Variants in SYN2 observed in about 807,000 individuals in gnomAD.
The protein encoded by SYN2 is synapsin-2.
SYN2 carries 19 observed loss-of-function variants against 50.9 expected under a neutral mutation model. The ratio of observed to expected loss-of-function variants is 0.37; its 90% CI spans 0.26 to 0.55. The LOEUF is 0.55. Among genes scored for constraint, SYN2 ranks in the 20% least tolerant of loss-of-function variants. The pLI, the probability that SYN2 is intolerant of heterozygous loss-of-function variation, is 0.81. For synonymous variants in SYN2, 255 were observed against 224.9 expected, an observed-to-expected ratio of 1.13 and a Z score of -1.20; for missense variants, 587 against 576.4, an observed-to-expected ratio of 1.02 and a Z score of -0.19.
rs764158028 is a variant in SYN2 at position 12,168,498 on chromosome 3, T to A, written c.1158+20T>A. 1 of 1,602,674 alleles carries A rather than the reference T, an allele frequency of 6.2e-7. No individual in the cohort carries two copies. The highest frequency in any genetic ancestry group is 1.3e-5 in the African/African-American group (1 of 74,746). ...TTTGAGGTAAGTCTGGACCAAGCAGTAAGAGGTAACTCCTAAGGCTTAAGA... is the reference window on the plus strand; with the variant it reads ...TTTGAGGTAAGTCTGGACCAAGCAGAAAGAGGTAACTCCTAAGGCTTAAGA... On this transcript the variant is annotated intron_variant, in intron 9 of 12. Coordinates refer to ENST00000621198, the MANE Select transcript of SYN2 (RefSeq NM_133625.6).
intron 4 of SYN2, among the ~76,000 whole-genome samples, chr3:12,146,628 G>A (rs570325352): frequency 6.6e-6 from 1 of 152,296 alleles, no homozygotes; most frequent in African/African-American, 2.4e-5. Context: ...ACATCCCACT[G>A]CCTCTCCCAT....
intron 10 of SYN2, among the ~76,000 whole-genome samples, chr3:12,172,046 A>G (rs1214990788): frequency 6.6e-6 from 1 of 152,184 alleles, no homozygotes; most frequent in Non-Finnish European, 1.5e-5. Context: ...AGTCAGTTTG[A>G]CTCAAGGATA....
In SYN2 at chr3:12,041,256, G is replaced by C. The variant is rs558489161; in HGVS notation, c.377+36328G>C. Among the ~76,000 whole-genome samples the C allele has an allele frequency of 2.6e-5, 4 of 152,274 alleles. No homozygotes were observed. The South Asian group carries it at 6.2e-4, about 24-fold the overall frequency. On this transcript the variant is annotated intron_variant, in intron 1 of 12. Transcript: ENST00000621198. ...TCCCAGAGGAAGAGCTGTCCAAGGA[G>C]CTGATGTGTTTGACCCTTATTGCTT...
At chr3:12,189,872 T>C (rs1698414183) in intron 12 of SYN2, among the ~76,000 whole-genome samples, 2 of 152,178 alleles carry the variant, frequency 1.3e-5, no homozygotes, top group South Asian at 4.1e-4. Flanking sequence ...CAAGCCAATA[T>C]ATTCTTTTGG....
Position 12,064,852 on chromosome 3 carries a change from G to A in SYN2, c.377+59924G>A, listed in dbSNP as rs890778131. On this transcript the variant is annotated intron_variant, in intron 1 of 12. Transcript: ENST00000621198. ...AGTTAAATGTAGAGTTACCATATGA[G>A]CCAGCAATTTCACTCATAGGTATAC... Among the ~76,000 whole-genome samples the A allele has an allele frequency of 3.3e-5, 5 of 152,072 alleles. No homozygotes were observed. In the South Asian group the frequency reaches 8.3e-4, roughly 25 times the overall value.
At chr3:12,021,485 T>C (rs1694133304) in intron 1 of SYN2, among the ~76,000 whole-genome samples, 1 of 152,192 alleles carries the variant, frequency 6.6e-6, no homozygotes, top group Non-Finnish European at 1.5e-5. Context: ...TGTTTAAAAA[T>C]ATGTGAAATG....
intron 1 of SYN2, among the ~76,000 whole-genome samples, chr3:12,105,236 G>A (rs1295057520): frequency 1.3e-5 from 2 of 152,150 alleles, no homozygotes; most frequent in African/African-American, 4.8e-5. Flanking sequence ...GGAGTAGGAG[G>A]AATAGAGATT....
chr3:12,053,647 A>G (rs2170433), intron 1 of SYN2, among the ~76,000 whole-genome samples: 7,589 of 152,188 alleles, frequency 0.05, 663 homozygotes, highest in African/African-American at 0.17. Context: ...TACTATGATT[A>G]CAATGTTTAC....
intron 6 of SYN2, 63 bp downstream of exon 6, chr3:12,161,671 C>T: frequency 2.6e-6 from 4 of 1,534,906 alleles, no homozygotes; most frequent in South Asian, 1.1e-5. Flanking sequence ...TCAGAGCGCC[C>T]ATTTGTGAAC....
chr3:12,015,949 G>A (rs917448119), intron 1 of SYN2, among the ~76,000 whole-genome samples: 3 of 152,062 alleles, frequency 2.0e-5, no homozygotes, highest in Non-Finnish European at 4.4e-5. Flanking sequence ...TGACAACTTC[G>A]TACAATAATT....
chr3:12,065,070 G>T (rs193099376), intron 1 of SYN2, among the ~76,000 whole-genome samples: 2 of 152,206 alleles, frequency 1.3e-5, no homozygotes, highest in East Asian at 3.9e-4. Context: ...GCTACAACAT[G>T]GATGCACCTT....
chr3:12,027,121 G>A (rs767818293), intron 1 of SYN2, among the ~76,000 whole-genome samples: 9 of 152,212 alleles, frequency 5.9e-5, no homozygotes, highest in Non-Finnish European at 1.2e-4. Flanking sequence ...CATCATCAGA[G>A]GTGAATGTGG....
At chr3:12,008,418 T>C (rs1353632385) in intron 1 of SYN2, among the ~76,000 whole-genome samples, 2 of 152,170 alleles carry the variant, frequency 1.3e-5, no homozygotes, top group African/African-American at 2.4e-5. Flanking sequence ...ATAAATACTT[T>C]TGAAAAAAAA....
At chr3:12,183,819 A>T in intron 11 of SYN2, 1 of 1,028,720 alleles carries the variant, frequency 9.7e-7, no homozygotes, top group South Asian at 3.6e-5. Context: ...AGAAACGAAA[A>T]CCACAAAAAG....
At chr3:12,095,650 C>T (rs115511312) in intron 1 of SYN2, among the ~76,000 whole-genome samples, 1 of 141,286 alleles carries the variant, frequency 7.1e-6, no homozygotes, top group African/African-American at 2.6e-5. Context: ...CGCCATCATT[C>T]AACAAAGTTG....
intron 1 of SYN2, among the ~76,000 whole-genome samples, chr3:12,023,202 T>TAAAA (rs35299870): frequency 6.8e-6 from 1 of 146,882 alleles, no homozygotes; most frequent in Admixed American, 6.8e-5. Context: ...GCTTTATAAA[T>TAAAA]AAAAAAAAAA....
At chr3:12,046,099 T>G (rs1171870623) in intron 1 of SYN2, among the ~76,000 whole-genome samples, 3 of 152,244 alleles carry the variant, frequency 2.0e-5, no homozygotes, top group Non-Finnish European at 4.4e-5. Flanking sequence ...GGAAAGAGAC[T>G]GTCAGTATTG....
At chr3:12,149,704 G>A (rs1035408458) in intron 4 of SYN2, among the ~76,000 whole-genome samples, 1 of 152,146 alleles carries the variant, frequency 6.6e-6, no homozygotes, top group African/African-American at 2.4e-5. Flanking sequence ...AGTCCTGGAG[G>A]AGGCCCTAGA....
intron 2 of SYN2, among the ~76,000 whole-genome samples, chr3:12,141,616 G>C (rs1697022202): frequency 6.6e-6 from 1 of 152,166 alleles, no homozygotes; most frequent in African/African-American, 2.4e-5. Context: ...TGCTGGGCTG[G>C]GAGTTAGAGG....
Sources: allele counts gnomAD v4.1 joint callset (sites outside exome capture counted in the v4.1 genomes callset), GRCh38; gene constraint gnomAD v4.1.1; transcripts MANE v1.5; gene names NCBI Gene and HGNC (gene_info 2026-07-23, HGNC 2026-07-21).